PRIMA1: variants seen among roughly 807,000 people sequenced by gnomAD.
The protein encoded by PRIMA1 is proline rich membrane anchor 1.
In PRIMA1, 7 loss-of-function variants were observed where a neutral mutation model predicts 17.5. The ratio of observed to expected loss-of-function variants is 0.40; its 90% CI spans 0.23 to 0.75. The LOEUF (loss-of-function observed/expected upper bound fraction) is 0.75, where lower values mean the gene tolerates loss of function less well. Ranked by LOEUF, PRIMA1 falls within the 30% of genes least tolerant of loss-of-function variation. The pLI, the probability that PRIMA1 is intolerant of heterozygous loss-of-function variation, is 0.37. For missense variants in PRIMA1, 200 were observed against 201.8 expected (o/e 0.99, Z 0.05); for synonymous variants, 97 against 77.9 (o/e 1.25, Z -1.29).
intron 2 of PRIMA1, among the ~76,000 whole-genome samples, chr14:93,784,040 C>CCACCATCAGGT: frequency 6.6e-6 from 1 of 152,296 alleles, no homozygotes; most frequent in Middle Eastern, 3.4e-3. Flanking sequence ...CTGAACCAGG[C>CCACCATCAGGT]CACCATCAGG....
At chr14:93,773,958 G>A (rs377019746) in intron 3 of PRIMA1, among the ~76,000 whole-genome samples, 7 of 152,078 alleles carry the variant, frequency 4.6e-5, no homozygotes, top group South Asian at 4.1e-4. Context: ...CACGTGTGGC[G>A]GCTCATGCCT....
chr14:93,744,731 C>T (rs2076205999), intron 3 of PRIMA1, among the ~76,000 whole-genome samples: 1 of 152,264 alleles, frequency 6.6e-6, no homozygotes, highest in Middle Eastern at 3.4e-3. Flanking sequence ...ATGGAGACCC[C>T]CTGTTTCATA....
At chr14:93,742,285 G>A (rs753270664) in intron 3 of PRIMA1, among the ~76,000 whole-genome samples, 7 of 152,320 alleles carry the variant, frequency 4.6e-5, no homozygotes, top group Admixed American at 2.0e-4. Context: ...CAGTAGTGCA[G>A]GAAGAGAGAA....
chr14:93,732,034 G>A (rs1233367279), intron 4 of PRIMA1, among the ~76,000 whole-genome samples: 1 of 152,240 alleles, frequency 6.6e-6, no homozygotes, highest in Non-Finnish European at 1.5e-5. Flanking sequence ...AACGTCTGCA[G>A]GGTCAGCCAA....
At position 93,726,616 on chromosome 14, in the gene PRIMA1, A is replaced by C. The variant is rs1255542574; in HGVS notation, c.360-5070T>G. Among the ~76,000 whole-genome samples, 1 of 152,116 alleles carries C rather than the reference A, an allele frequency of 6.6e-6. No individual in the cohort carries two copies. The highest frequency in any genetic ancestry group is 2.4e-5 in the African/African-American group (1 of 41,402). Reference sequence around the variant, plus strand: ...ACGCAAACACACACATATATAATATACACATAGACACATGTACACATGCAC... The same window carrying C: ...ACGCAAACACACACATATATAATATCCACATAGACACATGTACACATGCAC... On this transcript the variant is annotated intron_variant, in intron 4 of 4. Coordinates refer to ENST00000393140, the MANE Select transcript of PRIMA1 (RefSeq NM_178013.4). This position sits in a 1 kb window ranked among gnomAD's most constrained non-coding sequence, Gnocchi z 4.2.
At chr14:93,732,507 T>C (rs748437345) in intron 4 of PRIMA1, among the ~76,000 whole-genome samples, 1 of 152,208 alleles carries the variant, frequency 6.6e-6, no homozygotes, top group Non-Finnish European at 1.5e-5. Context: ...TCCACCGTTC[T>C]TTGGGGGCAG....
chr14:93,743,483 C>T (rs903092821), intron 3 of PRIMA1, among the ~76,000 whole-genome samples: 12 of 152,240 alleles, frequency 7.9e-5, no homozygotes, highest in Admixed American at 4.6e-4. Context: ...AGCCCAGCTC[C>T]GGGCCCATCA....
chr14:93,743,864 C>T (rs549533277), intron 3 of PRIMA1, among the ~76,000 whole-genome samples: 43 of 152,316 alleles, frequency 2.8e-4, no homozygotes, highest in Non-Finnish European at 4.1e-4. Flanking sequence ...CAGAATGTCA[C>T]GGAAAAGTGC....
chr14:93,746,961 A>G (rs986121467), intron 3 of PRIMA1, among the ~76,000 whole-genome samples: 1 of 152,098 alleles, frequency 6.6e-6, no homozygotes, highest in Non-Finnish European at 1.5e-5. Flanking sequence ...TCAGGTGTGA[A>G]GTCTGAAATT....
At chr14:93,735,785 A>G (rs916847345) in intron 4 of PRIMA1, among the ~76,000 whole-genome samples, 2 of 146,966 alleles carry the variant, frequency 1.4e-5, no homozygotes, top group African/African-American at 2.5e-5. Context: ...TCCGCCTCCC[A>G]GGTTCAAGAG....
chr14:93,766,667 A>T (rs57865189), intron 3 of PRIMA1, among the ~76,000 whole-genome samples: 7,920 of 152,258 alleles, frequency 0.052, 427 homozygotes, highest in African/African-American at 0.13. Context: ...CCTTTGGTAA[A>T]CAAATTGCAG....
intron 3 of PRIMA1, among the ~76,000 whole-genome samples, chr14:93,753,994 C>A (rs533574722): frequency 1.3e-5 from 2 of 152,354 alleles, no homozygotes; most frequent in African/African-American, 4.8e-5. Context: ...TGTGCTGTCT[C>A]TGAGCCTTCG....
intron 2 of PRIMA1, among the ~76,000 whole-genome samples, chr14:93,785,865 C>T (rs1050682614): frequency 2.0e-5 from 3 of 151,618 alleles, no homozygotes; most frequent in African/African-American, 7.3e-5. Flanking sequence ...TACACCCGCA[C>T]ACACACACAC....
intron 3 of PRIMA1, among the ~76,000 whole-genome samples, 173 bp downstream of exon 3, chr14:93,779,003 G>A (rs967528570): frequency 6.6e-6 from 1 of 152,030 alleles, no homozygotes; most frequent in Non-Finnish European, 1.5e-5. Context: ...GGAGCACGCT[G>A]TGGGAAAGGC....
chr14:93,725,652 T>C (rs2076070622), intron 4 of PRIMA1, among the ~76,000 whole-genome samples: 1 of 152,202 alleles, frequency 6.6e-6, no homozygotes, highest in South Asian at 2.1e-4. Context: ...GTCCATTTCA[T>C]AGGCTTGTTG....
At chr14:93,723,354 A>G (rs1445585615) in intron 4 of PRIMA1, among the ~76,000 whole-genome samples, 1 of 152,124 alleles carries the variant, frequency 6.6e-6, no homozygotes, top group East Asian at 1.9e-4. Flanking sequence ...GCCTCCCCAG[A>G]GCCACAGTCA....
chr14:93,739,502 G>A (rs2076171487), intron 3 of PRIMA1, among the ~76,000 whole-genome samples: 3 of 152,178 alleles, frequency 2.0e-5, no homozygotes, highest in Admixed American at 6.5e-5. Context: ...GGAGTGGAAC[G>A]GCTGGGTTGT....
At position 93,726,471 on chromosome 14, in the gene PRIMA1, C is replaced by T. The variant is rs377302444; in HGVS notation, c.360-4925G>A. On this transcript the variant is annotated intron_variant, in intron 4 of 4. Transcript: ENST00000393140. The surrounding 1 kb of genome is among the most constrained non-coding windows in gnomAD (Gnocchi z 4.2). ...GTATTCATCCCCCGACTGCCCACCC[C>T]GACACCCTCCCACACCCATACACAC... 1.9e-4 allele frequency among the ~76,000 whole-genome samples: 29 copies of T among 152,032 alleles called. No individual in the cohort carries two copies. The highest frequency in any genetic ancestry group is 6.8e-4 in the African/African-American group (28 of 41,376).
chr14:93,787,928 GA>G (rs1885573685), intron 1 of PRIMA1, among the ~76,000 whole-genome samples, 179 bp from the exon 2 acceptor site: 1 of 152,136 alleles, frequency 6.6e-6, no homozygotes, highest in South Asian at 2.1e-4. Flanking sequence ...GTCAGTCCCA[GA>G]ATTCACACTC....
Sources: gnomAD v4.1 joint callset for allele counts (sites outside exome capture counted in the v4.1 genomes callset) on GRCh38, gnomAD v4.1.1 for gene constraint, Gnocchi (gnomAD v3.1) non-coding constraint, MANE v1.5 for transcripts, NCBI Gene and HGNC (gene_info 2026-07-23, HGNC 2026-07-21) for gene names.